The following CEP128 variants were observed in gnomAD, a reference collection of about 807,000 sequenced individuals.
CEP128 encodes the protein centrosomal protein 128, also known as centrosomal protein 128kDa.
CEP128 carries 132 observed loss-of-function variants against 156.7 expected under a neutral mutation model. The ratio of observed to expected loss-of-function variants is 0.84; its 90% CI spans 0.73 to 0.97. The LOEUF (loss-of-function observed/expected upper bound fraction) is 0.97, where lower values mean the gene tolerates loss of function less well. CEP128 is among the 50% of genes least tolerant of loss of function. The pLI is 0.00. For missense variants in CEP128, 1,252 were observed against 1,281.9 expected (o/e 0.98, Z 0.36); for synonymous variants, 469 against 448.9 (o/e 1.04, Z -0.57).
chr14:80,761,759 T>G, intron 16 of CEP128, 146 bp from the exon 17 acceptor site: 1 of 505,476 alleles, frequency 2.0e-6, no homozygotes. Flanking sequence ...ATAAAAACAC[T>G]TTAATCTACT....
intron 18 of CEP128, 76 bp from the exon 19 acceptor site, chr14:80,743,343 T>C: frequency 8.5e-7 from 1 of 1,175,506 alleles, no homozygotes; most frequent in Non-Finnish European, 1.2e-6. Flanking sequence ...AAGAAAAAAA[T>C]AAGTAACATA....
chr14:80,680,490 T>A (rs1362006779), intron 19 of CEP128, among the ~76,000 whole-genome samples: 1 of 152,060 alleles, frequency 6.6e-6, no homozygotes, highest in Non-Finnish European at 1.5e-5. Context: ...GCCCCATCCT[T>A]CCTGGACATA....
intron 19 of CEP128, among the ~76,000 whole-genome samples, chr14:80,702,624 G>A (rs1897111659): frequency 6.6e-6 from 1 of 152,156 alleles, no homozygotes; most frequent in Non-Finnish European, 1.5e-5. Context: ...TTATCAACCT[G>A]CAAGAATAAA....
chr14:80,499,064 A>G (rs931624474), intron 24 of CEP128, among the ~76,000 whole-genome samples: 1 of 152,250 alleles, frequency 6.6e-6, no homozygotes, highest in Non-Finnish European at 1.5e-5. Context: ...ATAAACCTGT[A>G]AAATGAGAGA....
intron 16 of CEP128, among the ~76,000 whole-genome samples, chr14:80,774,931 T>C (rs1900711161): frequency 6.6e-6 from 1 of 152,232 alleles, no homozygotes; most frequent in Non-Finnish European, 1.5e-5. Flanking sequence ...CAAAGTTCTG[T>C]GGCTTTATGA....
intron 19 of CEP128, among the ~76,000 whole-genome samples, chr14:80,719,675 G>A (rs1813105927): frequency 6.6e-6 from 1 of 152,068 alleles, no homozygotes; most frequent in Admixed American, 6.6e-5. Flanking sequence ...GGGGACATAG[G>A]ACTAAAAAGT....
chr14:80,851,412 T>C (rs961301358), intron 9 of CEP128, among the ~76,000 whole-genome samples: 2 of 152,130 alleles, frequency 1.3e-5, no homozygotes, highest in Admixed American at 6.6e-5. Flanking sequence ...GAGGTCACAA[T>C]TGAGCCTGAG....
At chr14:80,868,734 T>C (rs1887890924) in intron 8 of CEP128, among the ~76,000 whole-genome samples, 1 of 152,050 alleles carries the variant, frequency 6.6e-6, no homozygotes, top group African/African-American at 2.4e-5. Context: ...ATGACCCAAC[T>C]GTATGCTGCC....
At chr14:80,890,975 T>C (rs1889071860) in intron 8 of CEP128, among the ~76,000 whole-genome samples, 1 of 151,840 alleles carries the variant, frequency 6.6e-6, no homozygotes, top group Admixed American at 6.6e-5. Context: ...ATCAGAGAAA[T>C]GCAAATCAAA....
At chr14:80,818,172 A>G (rs1884971943) in intron 13 of CEP128, among the ~76,000 whole-genome samples, 1 of 152,062 alleles carries the variant, frequency 6.6e-6, no homozygotes, top group African/African-American at 2.4e-5. Context: ...GGCATGTACC[A>G]CTATGCCTGG....
chr14:80,672,385 T>C (rs1033413380), intron 19 of CEP128, among the ~76,000 whole-genome samples: 3 of 150,894 alleles, frequency 2.0e-5, no homozygotes, highest in Non-Finnish European at 4.4e-5. Flanking sequence ...GCTGATGCTA[T>C]ATTCAGTATA....
At chr14:80,863,645 C>T (rs528133797) in intron 8 of CEP128, among the ~76,000 whole-genome samples, 3 of 152,230 alleles carry the variant, frequency 2.0e-5, no homozygotes, top group Admixed American at 1.3e-4. Context: ...CATAAGGACA[C>T]AGAAGACATT....
chr14:80,883,859 T>C (rs540558856), intron 8 of CEP128, among the ~76,000 whole-genome samples: 6 of 152,246 alleles, frequency 3.9e-5, no homozygotes, highest in Non-Finnish European at 5.9e-5. Context: ...CAAAACAGCA[T>C]AGAACTGGCA....
intron 20 of CEP128, among the ~76,000 whole-genome samples, chr14:80,576,098 G>T (rs568873428): frequency 6.6e-6 from 1 of 151,864 alleles, no homozygotes; most frequent in South Asian, 2.1e-4. Flanking sequence ...GCAACATGGG[G>T]AAAGGTGAAC....
intron 19 of CEP128, among the ~76,000 whole-genome samples, chr14:80,661,160 G>C (rs923703838): frequency 6.6e-6 from 1 of 152,132 alleles, no homozygotes; most frequent in African/African-American, 2.4e-5. Flanking sequence ...AATGGAACTA[G>C]TAAGCTTTCC....
intron 9 of CEP128, among the ~76,000 whole-genome samples, chr14:80,845,702 T>G (rs1200538051): frequency 6.6e-6 from 1 of 151,848 alleles, no homozygotes; most frequent in South Asian, 2.1e-4. Context: ...TTTAGAAGGG[T>G]TTTTTTTGTT....
intron 13 of CEP128, among the ~76,000 whole-genome samples, chr14:80,815,360 A>G (rs1260755986): frequency 6.6e-6 from 1 of 152,208 alleles, no homozygotes; most frequent in Non-Finnish European, 1.5e-5. Flanking sequence ...TAAAACCACA[A>G]TGAGATATCA....
intron 23 of CEP128, among the ~76,000 whole-genome samples, chr14:80,518,444 T>A (rs1245227310): frequency 6.6e-6 from 1 of 152,150 alleles, no homozygotes; most frequent in East Asian, 1.9e-4. Context: ...TGTAATTAGC[T>A]GTTGTTGGGG....
At chr14:80,557,771 A>G (rs1890497587) in intron 21 of CEP128, among the ~76,000 whole-genome samples, 1 of 152,088 alleles carries the variant, frequency 6.6e-6, no homozygotes. Flanking sequence ...CTCTCTTCAT[A>G]CTCACAAATA....
Sources: gnomAD v4.1 joint callset for allele counts (sites outside exome capture counted in the v4.1 genomes callset) on GRCh38, gnomAD v4.1.1 for gene constraint, MANE v1.5 for transcripts, NCBI Gene and HGNC (gene_info 2026-07-23, HGNC 2026-07-21) for gene names.